ABL2: variants seen among roughly 807,000 people sequenced by gnomAD.
ABL2 encodes tyrosine-protein kinase ABL2.
A neutral mutation model predicts 107.7 loss-of-function variants in ABL2; 49 were observed. The ratio of observed to expected loss-of-function variants is 0.45; its 90% confidence interval spans 0.36 to 0.58. The LOEUF is 0.58. Ranked by LOEUF, ABL2 falls within the 20% of genes least tolerant of loss-of-function variation. The probability of loss-of-function intolerance (pLI) is 0.00; values close to 1 mark genes in which losing one functional copy is unlikely to be tolerated. For synonymous variants in ABL2, 549 were observed against 548.6 expected, an observed-to-expected ratio of 1.00 and a Z score of -0.01; for missense variants, 1,245 against 1,457.0, an observed-to-expected ratio of 0.85 and a Z score of 2.37.
In ABL2 at chr1:179,114,413, C is replaced by T. The variant is rs542071992; in HGVS notation, c.1561+465G>A. Reference sequence around the variant, plus strand: ...CTGCACTCCAGCCTGGGCAACAAAGCAAGAGTGTTTGAAAAACAACAACAC... The same window carrying T: ...CTGCACTCCAGCCTGGGCAACAAAGTAAGAGTGTTTGAAAAACAACAACAC... On this transcript the variant is annotated intron_variant, in intron 9 of 11. Transcript: ENST00000502732. Among the ~76,000 whole-genome samples, 4 of 151,956 alleles carry T rather than the reference C, an allele frequency of 2.6e-5. No individual in the cohort carries two copies. In the East Asian group the frequency reaches 7.7e-4, roughly 29 times the overall value.
intron 4 of ABL2, among the ~76,000 whole-genome samples, chr1:179,123,024 A>C (rs1410491121): frequency 6.6e-6 from 1 of 152,208 alleles, no homozygotes; most frequent in East Asian, 1.9e-4. Context: ...TAAAGAAGAG[A>C]TACCCTGATC....
intron 10 of ABL2, among the ~76,000 whole-genome samples, chr1:179,111,756 C>G (rs1205684294): frequency 1.3e-5 from 2 of 151,994 alleles, no homozygotes; most frequent in Admixed American, 6.6e-5. Flanking sequence ...TCAATATATC[C>G]AAGAAGGCCG....
At chr1:179,216,900 T>C (rs1571337210) in intron 1 of ABL2, among the ~76,000 whole-genome samples, 1 of 149,032 alleles carries the variant, frequency 6.7e-6, no homozygotes, top group African/African-American at 2.5e-5. Flanking sequence ...GCCAGGCTGG[T>C]CTTGAAGTCC....
Position 179,229,170 on chromosome 1 carries a change from G to GCCCCCCCCCCCCCCCCCCCCCCCCCCC in ABL2, c.157+70_157+71insGGGGGGGGGGGGGGGGGGGGGGGGGGG. 4 of 266,256 alleles carry GCCCCCCCCCCCCCCCCCCCCCCCCCCC rather than the reference G, an allele frequency of 1.5e-5. 2 individuals are homozygous for GCCCCCCCCCCCCCCCCCCCCCCCCCCC. Among genetic ancestry groups the GCCCCCCCCCCCCCCCCCCCCCCCCCCC allele is most frequent in the Non-Finnish European group, 2.7e-5 (4 of 148,000 alleles). 16.5% of individuals were successfully genotyped at this position (266,256 alleles called of 1,614,324 possible). ...CTCCGACCCCTCGGGCAGCCCGTCC[G>GCCCCCCCCCCCCCCCCCCCCCCCCCCC]CCACCCACCCCGCCCCGACCCCACC... On this transcript the variant is annotated intron_variant, in intron 1 of 11. Transcript: ENST00000502732.
chr1:179,226,090 A>G (rs1419758622), intron 1 of ABL2, among the ~76,000 whole-genome samples: 5 of 150,638 alleles, frequency 3.3e-5, no homozygotes, highest in Non-Finnish European at 5.9e-5. Context: ...ATGTACAGAA[A>G]AAAACTTTTT....
Position 179,107,137 on chromosome 1 carries a change from A to C in ABL2, c.*581T>G. ...AGCGGAAAATAGGACAGAGGCATTCAGATAGGGCCATATTTCCCAGTTTTA... is the reference window on the plus strand; with the variant it reads ...AGCGGAAAATAGGACAGAGGCATTCCGATAGGGCCATATTTCCCAGTTTTA... On this transcript the variant is annotated 3_prime_UTR_variant, in exon 12 of 12. Coordinates refer to ENST00000502732, the MANE Select transcript of ABL2 (RefSeq NM_007314.4). 1 of 231,830 alleles carries C rather than the reference A, an allele frequency of 4.3e-6. No individual in the cohort carries two copies. The highest frequency in any genetic ancestry group is 8.5e-6 in the Non-Finnish European group (1 of 117,198). The allele number at this position is 231,830 out of a possible 1,614,324, so 14.4% of individuals were successfully genotyped here.
intron 1 of ABL2, among the ~76,000 whole-genome samples, chr1:179,160,266 T>C (rs1425139651): frequency 6.6e-6 from 1 of 151,682 alleles, no homozygotes; most frequent in Non-Finnish European, 1.5e-5. Context: ...GCAATCCCAA[T>C]TATTCACGAG....
At chr1:179,170,422 C>CT (rs796159869) in intron 1 of ABL2, among the ~76,000 whole-genome samples, 1,774 of 146,210 alleles carry the variant, frequency 0.012, 26 homozygotes, top group African/African-American at 0.041. Flanking sequence ...TTAAAGAATG[C>CT]TTTTTTTTTT....
intron 6 of ABL2, 82 bp downstream of exon 6, chr1:179,120,108 A>C: frequency 1.1e-6 from 1 of 880,714 alleles, no homozygotes; most frequent in Non-Finnish European, 1.7e-6. Flanking sequence ...TAAAAAGAAA[A>C]AAAAAAAGCA....
chr1:179,135,606 G>A (rs977393207), intron 1 of ABL2, among the ~76,000 whole-genome samples: 2 of 151,716 alleles, frequency 1.3e-5, no homozygotes, highest in African/African-American at 4.8e-5. Context: ...AGGTGGGGGG[G>A]TCAGCCCCCC....
chr1:179,123,894 G>C (rs1279776209), intron 4 of ABL2, among the ~76,000 whole-genome samples: 1 of 152,018 alleles, frequency 6.6e-6, no homozygotes, highest in Non-Finnish European at 1.5e-5. Flanking sequence ...GCCTCCCCAA[G>C]TGTTGGGATT....
intron 8 of ABL2, among the ~76,000 whole-genome samples, chr1:179,115,243 AT>A (rs1456267887): frequency 6.6e-6 from 1 of 152,198 alleles, no homozygotes; most frequent in Non-Finnish European, 1.5e-5. Flanking sequence ...AGACAGTTTT[AT>A]TTAAATTTCC....
intron 1 of ABL2, among the ~76,000 whole-genome samples, 192 bp from the exon 2 acceptor site, chr1:179,133,566 C>T (rs1299074931): frequency 6.6e-6 from 1 of 152,208 alleles, no homozygotes; most frequent in Non-Finnish European, 1.5e-5. Flanking sequence ...TGCTTCCCAT[C>T]TTCTGGCCTT....
At chr1:179,197,400 T>C (rs1258911382) in intron 1 of ABL2, among the ~76,000 whole-genome samples, 1 of 152,004 alleles carries the variant, frequency 6.6e-6, no homozygotes, top group African/African-American at 2.4e-5. Flanking sequence ...GCAAATCAAA[T>C]ACTCTTCAAG....
At chr1:179,191,087 C>T (rs1015591450) in intron 1 of ABL2, among the ~76,000 whole-genome samples, 13 of 152,118 alleles carry the variant, frequency 8.5e-5, no homozygotes, top group Non-Finnish European at 1.6e-4. Flanking sequence ...AAACAGCGGT[C>T]CTCTCAATTG....
chr1:179,168,139 G>T (rs868342762), intron 1 of ABL2, among the ~76,000 whole-genome samples: 1 of 152,150 alleles, frequency 6.6e-6, no homozygotes, highest in Non-Finnish European at 1.5e-5. Flanking sequence ...TAGGTTCCTG[G>T]ATACATTTAA....
At chr1:179,118,545 G>A in intron 7 of ABL2, 42 bp downstream of exon 7, 23 of 1,570,438 alleles carry the variant, frequency 1.5e-5, no homozygotes, top group Non-Finnish European at 1.9e-5. Context: ...TGCATGTCAA[G>A]CAAGATGGCT....
intron 1 of ABL2, among the ~76,000 whole-genome samples, chr1:179,189,121 G>A (rs904188315): frequency 8.6e-5 from 13 of 151,994 alleles, no homozygotes; most frequent in Non-Finnish European, 1.9e-4. Flanking sequence ...TTGTTCTCGG[G>A]TGTTTTTTGT....
In ABL2 at chr1:179,126,661, G is replaced by A. The variant is rs1158425353; in HGVS notation, c.403C>T (p.Arg135Ter). The change falls in exon 4 of 12, where the codon CGA becomes TGA. Residue 135 changes from arginine to a stop codon, truncating the protein, a stop_gained. Transcript: ENST00000502732. LOFTEE classifies it high-confidence loss of function. This position sits in a 1 kb window ranked among gnomAD's most constrained non-coding sequence, Gnocchi z 4.4. The stretch of plus-strand genomic sequence containing the variant: ...CCATTCTGGTTGTAACCAAGGACTC[G>A]TAGCTTTTCACCTAGCCATAAGGTC... Reference protein sequence around the residue: ...TLSITKGEKLRVLGYNQNGEW... With the variant: ...TLSITKGEKL The A allele has an allele frequency of 3.1e-6, 5 of 1,611,872 alleles. No individual in the cohort carries two copies. The highest frequency in any genetic ancestry group is 2.2e-5 in the East Asian group (1 of 44,800).
Sources: allele counts gnomAD v4.1 joint callset (sites outside exome capture counted in the v4.1 genomes callset), GRCh38; gene constraint gnomAD v4.1.1; non-coding constraint Gnocchi (gnomAD v3.1); transcripts MANE v1.5; gene names NCBI Gene and HGNC (gene_info 2026-07-23, HGNC 2026-07-21).